The following IPPK variants were observed in gnomAD, a reference collection of about 807,000 sequenced individuals.
IPPK encodes IPK1 homolog.
Under a neutral mutation model 64.6 loss-of-function variants are expected in IPPK, and 22 were observed. The ratio of observed to expected loss-of-function variants is 0.34; its 90% CI spans 0.24 to 0.49. The LOEUF (loss-of-function observed/expected upper bound fraction) is 0.49. Among genes scored for constraint, IPPK ranks in the 20% least tolerant of loss-of-function variants. The probability of loss-of-function intolerance (pLI) is 0.99; values close to 1 mark genes in which losing one functional copy is unlikely to be tolerated. For synonymous variants in IPPK, 262 were observed against 247.2 expected (o/e 1.06, Z -0.56); for missense variants, 532 against 630.7 (o/e 0.84, Z 1.68).
intron 1 of IPPK, among the ~76,000 whole-genome samples, chr9:92,664,052 C>T (rs1281364254): frequency 2.0e-5 from 3 of 152,172 alleles, no homozygotes; most frequent in Non-Finnish European, 4.4e-5. Context: ...GTAGACCCTC[C>T]TTAGCTTACC....
In IPPK at chr9:92,631,606, C is replaced by T. The variant is rs546255517; in HGVS notation, c.1170+2780G>A. Among the ~76,000 whole-genome samples, 722 of 152,342 alleles carry T rather than the reference C, an allele frequency of 4.7e-3. 3 individuals are homozygous for T. The highest frequency in any genetic ancestry group is 6.8e-3 in the Middle Eastern group (2 of 294). On this transcript the variant is annotated intron_variant, in intron 11 of 12. Coordinates refer to ENST00000287996, the MANE Select transcript of IPPK (RefSeq NM_022755.6). ...TTCAGGTTCAATTACCAGAAGCTAA[C>T]TTCCTACAAGAGAAAAAGGGCAGGC... is the stretch of plus-strand genomic sequence containing the variant.
intron 12 of IPPK, chr9:92,618,948 A>G: frequency 3.6e-6 from 1 of 278,024 alleles, no homozygotes; most frequent in South Asian, 3.9e-5. Flanking sequence ...TATCAGTTTC[A>G]TCCCGAATTC....
At chr9:92,632,865 G>A (rs921587876) in intron 11 of IPPK, among the ~76,000 whole-genome samples, 2 of 152,194 alleles carry the variant, frequency 1.3e-5, no homozygotes, top group Non-Finnish European at 2.9e-5. Context: ...ACGGGACAGG[G>A]CAAGTGGGTC....
At chr9:92,626,623 G>A (rs2131424405) in intron 11 of IPPK, among the ~76,000 whole-genome samples, 1 of 152,274 alleles carries the variant, frequency 6.6e-6, no homozygotes, top group Non-Finnish European at 1.5e-5. Flanking sequence ...CAGAAGAAGT[G>A]AATATGATAA....
chr9:92,639,074 G>C (rs1851999126), intron 8 of IPPK, among the ~76,000 whole-genome samples: 1 of 152,086 alleles, frequency 6.6e-6, no homozygotes, highest in Admixed American at 6.5e-5. Flanking sequence ...TTTGAGACAA[G>C]GTCTCACCCT....
In IPPK at chr9:92,615,051, C is replaced by A. The variant is rs1280563221; in HGVS notation, c.*781G>T. 1 of 152,306 alleles carries A rather than the reference C, an allele frequency of 6.6e-6. No individual in the cohort carries two copies. The highest frequency in any genetic ancestry group is 2.4e-5 in the African/African-American group (1 of 41,440). The allele number at this position is 152,306 out of a possible 1,614,324, so 9.4% of individuals were successfully genotyped here. ...GGCACACTGCCCAGCCCGGCCACAGCAGCTCAGCCAGTCACAGCTCCACCT... is the reference window on the plus strand; with the variant it reads ...GGCACACTGCCCAGCCCGGCCACAGAAGCTCAGCCAGTCACAGCTCCACCT... On this transcript the variant is annotated 3_prime_UTR_variant, in exon 13 of 13. Transcript: ENST00000287996.
At chr9:92,657,298 G>A (rs1038466798) in intron 2 of IPPK, among the ~76,000 whole-genome samples, 13 of 151,920 alleles carry the variant, frequency 8.6e-5, no homozygotes, top group African/African-American at 1.7e-4. Context: ...GCAGTGAGCC[G>A]AGACCGTGCC....
rs544011009 is a variant in IPPK at position 92,653,171 on chromosome 9, C to T, written c.226-532G>A. 2.6e-5 allele frequency among the ~76,000 whole-genome samples: 4 copies of T among 152,348 alleles called. No homozygotes were observed. The South Asian group carries it at 8.3e-4, about 32-fold the overall frequency. ...TGGTATAACCAATGCCCAGCACTGC[C>T]CTCCACATGGCTCTTCTGTGCAGTT... On this transcript the variant is annotated intron_variant, in intron 3 of 12. Coordinates refer to ENST00000287996, the MANE Select transcript of IPPK (RefSeq NM_022755.6).
intron 1 of IPPK, among the ~76,000 whole-genome samples, chr9:92,664,677 G>A (rs1852557690): frequency 6.6e-6 from 1 of 152,230 alleles, no homozygotes. Flanking sequence ...GGCCCACAGT[G>A]AGGGCCACAG....
At chr9:92,650,374 G>C (rs1270468425) in intron 4 of IPPK, among the ~76,000 whole-genome samples, 9 of 152,114 alleles carry the variant, frequency 5.9e-5, no homozygotes, top group African/African-American at 1.2e-4. Flanking sequence ...GTTTATGTAG[G>C]GGGTAGCTTC....
chr9:92,638,278 A>G lies in IPPK; in HGVS notation c.639T>C (p.Asn213=). Residue 213 remains asparagine (N), a splice_region_variant and synonymous_variant, in exon 9 of 13, where the codon AAT becomes AAC. Transcript: ENST00000287996. The part of the protein sequence containing the change: ...EAQNNLKIFK[N]GELIYGCKDA... ...CTTTGCAGCCGTAAATCAGCTCACC[A>G]TTCTTCAGACAGGGAAAAGAAAGAG... The G allele has an allele frequency of 6.2e-7, 1 of 1,610,732 alleles. No individual in the cohort carries two copies.
chr9:92,624,156 T>G (rs1851693792), intron 11 of IPPK, among the ~76,000 whole-genome samples: 1 of 152,056 alleles, frequency 6.6e-6, no homozygotes, highest in Non-Finnish European at 1.5e-5. Context: ...AGCAACATAA[T>G]AAGACTGCAT....
intron 10 of IPPK, among the ~76,000 whole-genome samples, chr9:92,634,763 G>A (rs1174031324): frequency 1.3e-5 from 2 of 152,204 alleles, no homozygotes; most frequent in Non-Finnish European, 2.9e-5. Context: ...GGAAGGAAGA[G>A]GATCCTGGCC....
chr9:92,642,338 C>A (rs1442854421), intron 7 of IPPK, among the ~76,000 whole-genome samples: 1 of 152,284 alleles, frequency 6.6e-6, no homozygotes, highest in East Asian at 1.9e-4. Context: ...TCAGAGGCTG[C>A]AAGCAGACCT....
At chr9:92,667,781 T>TG (rs1369106669) in intron 1 of IPPK, among the ~76,000 whole-genome samples, 1 of 151,970 alleles carries the variant, frequency 6.6e-6, no homozygotes, top group Admixed American at 6.6e-5. Flanking sequence ...CAGGCACCTG[T>TG]AATTCCAGCT....
At chr9:92,667,659 C>T (rs1852627723) in intron 1 of IPPK, among the ~76,000 whole-genome samples, 1 of 152,218 alleles carries the variant, frequency 6.6e-6, no homozygotes, top group Non-Finnish European at 1.5e-5. Context: ...TGGCTCACAC[C>T]TGTAATCCCA....
intron 9 of IPPK, among the ~76,000 whole-genome samples, chr9:92,636,852 C>T (rs1006586507): frequency 5.9e-5 from 9 of 152,298 alleles, no homozygotes; most frequent in Admixed American, 2.0e-4. Context: ...GGTGCTGTGG[C>T]GCCTCCTGTT....
intron 11 of IPPK, among the ~76,000 whole-genome samples, chr9:92,629,707 C>CAA (rs201735483): frequency 5.3e-5 from 5 of 94,672 alleles, no homozygotes; most frequent in East Asian, 2.5e-4. Context: ...GATTCTATCT[C>CAA]AAAAAAAAAA....
chr9:92,637,493 C>T lies in IPPK; in HGVS notation c.916+508G>A, dbSNP rs577387158. On this transcript the variant is annotated intron_variant, in intron 9 of 12. Transcript: ENST00000287996. ...CATGAGATGTCAGGACATGTGGCAGCGGCCAGGCCCGGCTCCTGTCTGCAA... is the reference window on the plus strand; with the variant it reads ...CATGAGATGTCAGGACATGTGGCAGTGGCCAGGCCCGGCTCCTGTCTGCAA... Among the ~76,000 whole-genome samples the T allele has an allele frequency of 2.6e-4, 39 of 152,276 alleles. No individual in the cohort carries two copies. The South Asian group carries it at 5.8e-3, about 23-fold the overall frequency.
Sources: gnomAD v4.1 joint callset for allele counts (sites outside exome capture counted in the v4.1 genomes callset) on GRCh38, gnomAD v4.1.1 for gene constraint, MANE v1.5 for transcripts, NCBI Gene and HGNC (gene_info 2026-07-23, HGNC 2026-07-21) for gene names.